RUNX1: variants seen among roughly 807,000 people sequenced by gnomAD.
RUNX1 encodes the protein RUNX family transcription factor 1, also known as runt-related transcription factor 1.
RUNX1 carries 19 observed loss-of-function variants against 42.8 expected under a neutral mutation model. That is an observed-to-expected ratio of 0.44 (90% CI 0.31 to 0.65). The LOEUF is 0.65. RUNX1 is among the 30% of genes least tolerant of loss of function. The pLI is 0.07. For synonymous variants in RUNX1, 271 were observed against 289.4 expected, an observed-to-expected ratio of 0.94 and a Z score of 0.64; for missense variants, 528 against 672.0, an observed-to-expected ratio of 0.79 and a Z score of 2.37.
At chr21:34,846,933 G>T (rs890574831) in intron 6 of RUNX1, among the ~76,000 whole-genome samples, 2 of 152,192 alleles carry the variant, frequency 1.3e-5, no homozygotes, top group African/African-American at 4.8e-5. Context: ...TGCAGTTTTT[G>T]ACTCGTCCTG....
intron 6 of RUNX1, among the ~76,000 whole-genome samples, chr21:34,855,409 A>G (rs1170578846): frequency 6.6e-6 from 1 of 152,158 alleles, no homozygotes; most frequent in African/African-American, 2.4e-5. Flanking sequence ...ACATACATTA[A>G]AAAAACAACT....
chr21:35,041,650 T>C (rs1271487577), intron 2 of RUNX1, among the ~76,000 whole-genome samples: 1 of 136,120 alleles, frequency 7.3e-6, no homozygotes, highest in African/African-American at 3.0e-5. Flanking sequence ...TTTCTTCTTT[T>C]TCTTTCTTTC....
intron 2 of RUNX1, among the ~76,000 whole-genome samples, chr21:34,943,546 G>A (rs1280813998): frequency 2.0e-5 from 3 of 152,234 alleles, no homozygotes; most frequent in African/African-American, 7.2e-5. Flanking sequence ...ACAAAAGACA[G>A]AAGTTGTTAT....
intron 2 of RUNX1, among the ~76,000 whole-genome samples, chr21:34,946,205 AT>A (rs529489615): frequency 4.5e-4 from 68 of 152,310 alleles, no homozygotes; most frequent in African/African-American, 1.4e-3. Context: ...CGTTTTGCAG[AT>A]GAACCTTGCC....
chr21:34,830,785 C>T (rs1325602295), intron 7 of RUNX1, among the ~76,000 whole-genome samples: 1 of 152,184 alleles, frequency 6.6e-6, no homozygotes, highest in African/African-American at 2.4e-5. Context: ...GTCTGACCCA[C>T]GTCAAAATAG....
At chr21:34,928,578 G>C (rs1227563423) in intron 2 of RUNX1, among the ~76,000 whole-genome samples, 1 of 151,908 alleles carries the variant, frequency 6.6e-6, no homozygotes, top group Admixed American at 6.6e-5. Flanking sequence ...CCTGTAAGGA[G>C]GCTGAGGCAG....
At chr21:34,993,695 G>A (rs1231568347) in intron 2 of RUNX1, among the ~76,000 whole-genome samples, 548 of 20,188 alleles carry the variant, frequency 0.027, 28 homozygotes, top group African/African-American at 0.12. Context: ...ACACACAGGC[G>A]CACACACACA....
chr21:34,942,883 A>G (rs908556842), intron 2 of RUNX1, among the ~76,000 whole-genome samples: 6 of 152,216 alleles, frequency 3.9e-5, no homozygotes, highest in Admixed American at 2.0e-4. Context: ...GCCTTGGGTC[A>G]GGTTGAAGGA....
intron 5 of RUNX1, among the ~76,000 whole-genome samples, chr21:34,876,345 G>A (rs2057813836): frequency 6.6e-6 from 1 of 152,194 alleles, no homozygotes; most frequent in Non-Finnish European, 1.5e-5. Context: ...AACAGCACAG[G>A]TTCAAGAAAA....
chr21:35,000,392 C>A (rs1414971059), intron 2 of RUNX1, among the ~76,000 whole-genome samples: 1 of 151,998 alleles, frequency 6.6e-6, no homozygotes, highest in Non-Finnish European at 1.5e-5. Context: ...AGGCACCCAC[C>A]ACCACACCTG....
At chr21:35,000,259 GA>G (rs2059030950) in intron 2 of RUNX1, among the ~76,000 whole-genome samples, 1 of 26,804 alleles carries the variant, frequency 3.7e-5, no homozygotes, top group South Asian at 1.2e-3. Context: ...TTTTTTTTTT[GA>G]GACAGAGTCT....
chr21:35,040,296 A>G (rs1194541921), intron 2 of RUNX1, among the ~76,000 whole-genome samples: 1 of 152,200 alleles, frequency 6.6e-6, no homozygotes, highest in Non-Finnish European at 1.5e-5. Context: ...TGCTCCTGAA[A>G]AAAATGGCAC....
At chr21:34,810,094 A>G (rs902919075) in intron 7 of RUNX1, among the ~76,000 whole-genome samples, 1 of 152,218 alleles carries the variant, frequency 6.6e-6, no homozygotes, top group Admixed American at 6.5e-5. Flanking sequence ...CCGAGGGGGC[A>G]TGGAGCAGTG....
At chr21:34,934,724 G>A (rs146031401) in intron 2 of RUNX1, among the ~76,000 whole-genome samples, 219 of 152,244 alleles carry the variant, frequency 1.4e-3, no homozygotes, top group African/African-American at 4.9e-3. Context: ...AACAGAGGAG[G>A]GCATAATGGA....
chr21:35,012,561 C>G (rs1261717720), intron 2 of RUNX1, among the ~76,000 whole-genome samples: 1 of 152,134 alleles, frequency 6.6e-6, no homozygotes, highest in Non-Finnish European at 1.5e-5. Context: ...GCGACTCTCT[C>G]TTAATGAACA....
chr21:34,891,494 G>A (rs115347952), intron 3 of RUNX1, among the ~76,000 whole-genome samples: 1,644 of 152,262 alleles, frequency 0.011, 31 homozygotes, highest in African/African-American at 0.037. Context: ...GAACCCCTTA[G>A]TCGGCCGGGC....
At chr21:35,037,232 TC>T (rs1480792379) in intron 2 of RUNX1, among the ~76,000 whole-genome samples, 1 of 152,188 alleles carries the variant, frequency 6.6e-6, no homozygotes, top group African/African-American at 2.4e-5. Context: ...CAGTGGTTTC[TC>T]CCCACCCCAG....
chr21:34,823,691 C>T (rs894686366), intron 7 of RUNX1, among the ~76,000 whole-genome samples: 9 of 152,126 alleles, frequency 5.9e-5, no homozygotes, highest in African/African-American at 2.2e-4. Context: ...GATCCACCCA[C>T]CTCGGTCTCC....
Position 34,834,397 on chromosome 21 carries a change from A to G in RUNX1, c.805+13T>C, listed in dbSNP as rs1395196749. The G allele has an allele frequency of 3.7e-6, 6 of 1,611,562 alleles. No individual in the cohort carries two copies. Among genetic ancestry groups the G allele is most frequent in the Non-Finnish European group, 4.2e-6 (5 of 1,178,122 alleles). ...GCAGGAGAGGCGGGCAGTGGGCTCC[A>G]TCTGGTACTTACCCTGCATCTGACT... On this transcript the variant is annotated intron_variant, in intron 7 of 8. Coordinates refer to ENST00000675419, the MANE Select transcript of RUNX1 (RefSeq NM_001754.5).
Sources: allele counts gnomAD v4.1 joint callset (sites outside exome capture counted in the v4.1 genomes callset), GRCh38; gene constraint gnomAD v4.1.1; transcripts MANE v1.5; gene names NCBI Gene and HGNC (gene_info 2026-07-23, HGNC 2026-07-21).